Variants in DENND5A observed in about 807,000 individuals in gnomAD.
DENND5A encodes the protein DENN domain containing 5A.
DENND5A carries 64 observed loss-of-function variants against 140.3 expected under a neutral mutation model. That is an observed-to-expected ratio of 0.46 (90% CI 0.37 to 0.56). The LOEUF is 0.56. Ranked by LOEUF, DENND5A falls within the 20% of genes least tolerant of loss-of-function variation. The probability of loss-of-function intolerance (pLI) is 0.00; values close to 1 mark genes in which losing one functional copy is unlikely to be tolerated. For missense variants in DENND5A, 1,292 were observed against 1,593.8 expected (o/e 0.81, Z 3.22); for synonymous variants, 605 against 607.7 (o/e 1.00, Z 0.07).
chr11:9,190,403 TG>T (rs937617430), intron 5 of DENND5A, among the ~76,000 whole-genome samples: 1 of 152,154 alleles, frequency 6.6e-6, no homozygotes, highest in Admixed American at 6.5e-5. Flanking sequence ...AGTTGAATCA[TG>T]GGGGCAGGTC....
At chr11:9,207,100 CT>C (rs919014836) in intron 2 of DENND5A, 2,659 of 399,634 alleles carry the variant, frequency 6.7e-3, no homozygotes, top group South Asian at 0.01. Flanking sequence ...TTGTATCTAT[CT>C]TTTTTTTTTC....
At chr11:9,150,586 A>G in intron 14 of DENND5A, 94 bp downstream of exon 14, 2 of 797,220 alleles carry the variant, frequency 2.5e-6, no homozygotes, top group South Asian at 1.7e-5. Flanking sequence ...GAGATGCTGT[A>G]GCAGCCACTG....
At chr11:9,167,475 TAA>T (rs547949319) in intron 10 of DENND5A, among the ~76,000 whole-genome samples, 38 of 119,410 alleles carry the variant, frequency 3.2e-4, no homozygotes, top group Non-Finnish European at 3.1e-4. Context: ...GATGAAAGAT[TAA>T]AAAAAAAAAA....
At chr11:9,162,483 C>T (rs1248403073) in intron 11 of DENND5A, among the ~76,000 whole-genome samples, 5 of 151,922 alleles carry the variant, frequency 3.3e-5, no homozygotes, top group East Asian at 1.9e-4. Context: ...AAGTGATCTG[C>T]CCACCTCAGC....
intron 11 of DENND5A, among the ~76,000 whole-genome samples, chr11:9,165,060 C>T (rs1380462926): frequency 6.6e-6 from 1 of 151,450 alleles, no homozygotes; most frequent in Non-Finnish European, 1.5e-5. Flanking sequence ...AGTGCAATGG[C>T]GCGATCTCGG....
At chr11:9,252,347 T>C (rs1398842131) in intron 1 of DENND5A, among the ~76,000 whole-genome samples, 1 of 140,184 alleles carries the variant, frequency 7.1e-6, no homozygotes, top group Non-Finnish European at 1.5e-5. Flanking sequence ...CGTAATAGCC[T>C]GTGTTTAATT....
chr11:9,200,776 A>G (rs1367389652), intron 4 of DENND5A, among the ~76,000 whole-genome samples: 1 of 152,184 alleles, frequency 6.6e-6, no homozygotes, highest in Non-Finnish European at 1.5e-5. Flanking sequence ...ATTACAAATT[A>G]CCTCTTAACG....
At chr11:9,185,294 TATTTATTA>T (rs1466327157) in intron 5 of DENND5A, among the ~76,000 whole-genome samples, 1 of 152,198 alleles carries the variant, frequency 6.6e-6, no homozygotes, top group Non-Finnish European at 1.5e-5. Flanking sequence ...GTCAGAAAGG[TATTTATTA>T]ATTTTTTTTT....
chr11:9,204,092 C>G lies in DENND5A; in HGVS notation c.517G>C (p.Asp173His). The G allele has an allele frequency of 6.2e-7, 1 of 1,614,178 alleles. No homozygotes were observed. The highest frequency in any genetic ancestry group is 8.5e-7 in the Non-Finnish European group (1 of 1,180,024). ...TCACCATCCTCCATGCTGCTCTGGT[C>G]TCTGTCATCAGCAGGGGGAGCATGT... Reference protein sequence around the residue: ...VLHAPPADDRDQSSMEDGEDT... With the variant: ...VLHAPPADDRHQSSMEDGEDT... The change falls in exon 4 of 23, where the codon GAC (aspartate) becomes CAC (histidine). Residue 173 changes from aspartate (D) to histidine (H), a missense_variant. Around this residue, in one of 4 missense-constraint regions of DENND5A, gnomAD observed 566 missense variants for 650.4 expected, o/e 0.87. Coordinates refer to ENST00000328194, the MANE Select transcript of DENND5A (RefSeq NM_015213.4).
intron 16 of DENND5A, 56 bp downstream of exon 16, chr11:9,146,974 G>A: frequency 6.3e-7 from 1 of 1,586,760 alleles, no homozygotes; most frequent in Non-Finnish European, 8.6e-7. Flanking sequence ...GTGAGTCTCA[G>A]GCAGGTTCAT....
intron 12 of DENND5A, among the ~76,000 whole-genome samples, chr11:9,158,250 T>C (rs947019114): frequency 6.6e-6 from 1 of 152,128 alleles, no homozygotes; most frequent in Admixed American, 6.5e-5. Context: ...TGGGTACTTT[T>C]AAAATTCCAT....
chr11:9,168,772 A>G (rs1475300877), intron 10 of DENND5A, among the ~76,000 whole-genome samples: 2 of 152,232 alleles, frequency 1.3e-5, no homozygotes, highest in East Asian at 1.9e-4. Flanking sequence ...CTGAGCTGCC[A>G]GACACATGAA....
At chr11:9,213,792 G>A (rs547518999) in intron 1 of DENND5A, among the ~76,000 whole-genome samples, 2 of 38,674 alleles carry the variant, frequency 5.2e-5, no homozygotes, top group Admixed American at 4.5e-4. Context: ...GGGTGGCTGA[G>A]CGAGACTCCG....
At chr11:9,228,109 T>TAAAAAAAAAAAAAAAAAAAAA (rs1223838040) in intron 1 of DENND5A, among the ~76,000 whole-genome samples, 1 of 21,706 alleles carries the variant, frequency 4.6e-5, no homozygotes, top group African/African-American at 3.1e-4. Flanking sequence ...AGACTCCATC[T>TAAAAAAAAAAAAAAAAAAAAA]CAAAAAAAAA....
chr11:9,234,086 G>C (rs140341470), intron 1 of DENND5A, among the ~76,000 whole-genome samples: 268 of 151,966 alleles, frequency 1.8e-3, no homozygotes, highest in Middle Eastern at 0.014. Flanking sequence ...GCTGAGGCAG[G>C]AGAATGGCTT....
intron 12 of DENND5A, among the ~76,000 whole-genome samples, chr11:9,156,065 GCAGGTAAC>G (rs1847791612): frequency 6.6e-6 from 1 of 152,202 alleles, no homozygotes; most frequent in African/African-American, 2.4e-5. Context: ...ATAAAGGACA[GCAGGTAAC>G]CAGGGTGTGA....
At chr11:9,196,613 A>G (rs994105621) in intron 4 of DENND5A, among the ~76,000 whole-genome samples, 61 of 151,680 alleles carry the variant, frequency 4.0e-4, no homozygotes, top group African/African-American at 1.4e-3. Context: ...TATTTTATTT[A>G]TTTATTATTT....
At chr11:9,240,608 G>T (rs560717664) in intron 1 of DENND5A, among the ~76,000 whole-genome samples, 1 of 151,930 alleles carries the variant, frequency 6.6e-6, no homozygotes, top group East Asian at 1.9e-4. Flanking sequence ...TACTCAGGAC[G>T]ATGAGGTGGG....
chr11:9,170,823 TAC>T lies in DENND5A; in HGVS notation c.1907-48_1907-47del, dbSNP rs769184387. 68 of 1,583,350 alleles carry T rather than the reference TAC, an allele frequency of 4.3e-5. No homozygotes were observed. In the African/African-American group the frequency reaches 7.8e-4, roughly 18 times the overall value. On this transcript the variant is annotated intron_variant, in intron 8 of 22. Transcript: ENST00000328194. ...ACACACACACACACACACACATAAA[TAC>T]ACACACAAATAAATCAAGTCAAACA...
Sources: gnomAD v4.1 joint callset for allele counts (sites outside exome capture counted in the v4.1 genomes callset) on GRCh38, gnomAD v4.1.1 for gene constraint, gnomAD v4.1.1 regional missense constraint, MANE v1.5 for transcripts, NCBI Gene and HGNC (gene_info 2026-07-23, HGNC 2026-07-21) for gene names.